Variants in TRPM3 observed in about 807,000 individuals in gnomAD.
The protein encoded by TRPM3 is long transient receptor potential channel 3.
TRPM3 carries 77 observed loss-of-function variants against 181.2 expected under a neutral mutation model. That is an observed-to-expected ratio of 0.42 (90% CI 0.35 to 0.51). The LOEUF (loss-of-function observed/expected upper bound fraction) is 0.51, where lower values mean the gene tolerates loss of function less well. Ranked by LOEUF, TRPM3 falls within the 20% of genes least tolerant of loss-of-function variation. TRPM3 has a pLI of 0.01. For missense variants in TRPM3, 1,759 were observed against 2,196.7 expected, an observed-to-expected ratio of 0.80 and a Z score of 3.98; for synonymous variants, 745 against 796.4, an observed-to-expected ratio of 0.94 and a Z score of 1.09.
chr9:70,881,742 T>A (rs1159210038), intron 1 of TRPM3, among the ~76,000 whole-genome samples: 1 of 152,222 alleles, frequency 6.6e-6, no homozygotes, highest in African/African-American at 2.4e-5. Context: ...CATTTCTGCA[T>A]TTCTGCATTT....
At chr9:71,156,434 G>A (rs940080962) in intron 1 of TRPM3, among the ~76,000 whole-genome samples, 4 of 142,200 alleles carry the variant, frequency 2.8e-5, no homozygotes, top group Admixed American at 2.2e-4. Flanking sequence ...GCTTATCACC[G>A]TACCTGGTAA....
At chr9:71,125,308 T>C (rs994464017), upstream of TRPM3, among the ~76,000 whole-genome samples, 1 of 152,188 alleles carries the variant, frequency 6.6e-6, no homozygotes, top group Non-Finnish European at 1.5e-5. Context: ...GCCCATCACC[T>C]AGGTATTAAG....
At chr9:70,767,763 G>C (rs1338959698) in intron 7 of TRPM3, among the ~76,000 whole-genome samples, 1 of 152,122 alleles carries the variant, frequency 6.6e-6, no homozygotes, top group African/African-American at 2.4e-5. Context: ...CTGAGGGTTG[G>C]CTTGCATTGC....
At chr9:70,782,636 T>C (rs747332071) in intron 7 of TRPM3, among the ~76,000 whole-genome samples, 1 of 152,136 alleles carries the variant, frequency 6.6e-6, no homozygotes, top group Non-Finnish European at 1.5e-5. Context: ...TGGACCAATA[T>C]TTACTATAAA....
intron 8 of TRPM3, among the ~76,000 whole-genome samples, chr9:70,694,457 G>A (rs1587401111): frequency 6.6e-6 from 1 of 152,096 alleles, no homozygotes; most frequent in Non-Finnish European, 1.5e-5. Flanking sequence ...AGGAAGAGAC[G>A]TTGGTTTTCA....
At chr9:71,211,451 A>C (rs893849727) in intron 1 of TRPM3, among the ~76,000 whole-genome samples, 1 of 151,698 alleles carries the variant, frequency 6.6e-6, no homozygotes, top group Non-Finnish European at 1.5e-5. Context: ...TCAGTGTCCC[A>C]TATATTCGTT....
intron 7 of TRPM3, among the ~76,000 whole-genome samples, chr9:70,777,549 A>G (rs1296104373): frequency 6.6e-6 from 1 of 152,174 alleles, no homozygotes; most frequent in African/African-American, 2.4e-5. Context: ...CTTGGATACA[A>G]TAACACAGGT....
intron 24 of TRPM3, among the ~76,000 whole-genome samples, chr9:70,552,208 T>C (rs969504576): frequency 6.6e-6 from 1 of 152,172 alleles, no homozygotes; most frequent in Non-Finnish European, 1.5e-5. Flanking sequence ...GAGTCACCAG[T>C]ATTTAATGTG....
intron 6 of TRPM3, among the ~76,000 whole-genome samples, chr9:70,789,088 A>G (rs1156654275): frequency 6.6e-6 from 1 of 151,834 alleles, no homozygotes; most frequent in African/African-American, 2.4e-5. Flanking sequence ...TTCTGTTCAC[A>G]CTTTTTTTCT....
chr9:71,399,662 G>A (rs1000280751), intron 1 of TRPM3, among the ~76,000 whole-genome samples: 10 of 151,020 alleles, frequency 6.6e-5, no homozygotes, highest in Admixed American at 2.0e-4. Context: ...CCAAGTAGCT[G>A]GGACTACAGG....
At chr9:70,595,062 T>C (rs1454318284) in intron 21 of TRPM3, among the ~76,000 whole-genome samples, 1 of 152,146 alleles carries the variant, frequency 6.6e-6, no homozygotes, top group Non-Finnish European at 1.5e-5. Context: ...GTAGAGAAAA[T>C]GCAGTACATT....
Position 71,015,748 on chromosome 9 carries a change from G to A in TRPM3, c.177+105430C>T, listed in dbSNP as rs1036048687. Among the ~76,000 whole-genome samples the A allele has an allele frequency of 4.6e-5, 7 of 152,034 alleles. No individual in the cohort carries two copies. In the East Asian group the frequency reaches 1.3e-3, roughly 29 times the overall value. ...TAGGGTAAATGAAAATAAACTCAAC[G>A]AACCAGAGTTCTTTAATAATTTTAT... On this transcript the variant is annotated intron_variant, in intron 1 of 25. Transcript: ENST00000677713.
intron 1 of TRPM3, among the ~76,000 whole-genome samples, chr9:71,315,968 G>T (rs1051188950): frequency 5.3e-5 from 8 of 152,070 alleles, no homozygotes; most frequent in African/African-American, 1.9e-4. Flanking sequence ...TATACTCTAG[G>T]CAAGAAACTC....
chr9:71,077,861 A>G (rs986817369), intron 1 of TRPM3, among the ~76,000 whole-genome samples: 2 of 151,332 alleles, frequency 1.3e-5, no homozygotes, highest in South Asian at 2.1e-4. Flanking sequence ...TATACTTTCA[A>G]TATGTTATAA....
intron 1 of TRPM3, among the ~76,000 whole-genome samples, chr9:71,151,203 C>T (rs10746859): frequency 0.99 from 150,148 of 152,278 alleles, 74,049 homozygotes; most frequent in East Asian, 1. Context: ...GTCACTAAAA[C>T]GCCCTAAGAT....
intron 3 of TRPM3, among the ~76,000 whole-genome samples, chr9:70,851,398 T>A (rs974514220): frequency 3.3e-5 from 5 of 152,192 alleles, no homozygotes; most frequent in Admixed American, 6.5e-5. Flanking sequence ...CTAAGTGACA[T>A]ATTATGGAGT....
intron 1 of TRPM3, among the ~76,000 whole-genome samples, chr9:71,148,070 T>A (rs2075524136): frequency 6.6e-6 from 1 of 151,220 alleles, no homozygotes; most frequent in African/African-American, 2.4e-5. Flanking sequence ...GATTCTCAAG[T>A]GGGGATGACA....
intron 1 of TRPM3, among the ~76,000 whole-genome samples, chr9:71,065,630 T>C (rs1054022225): frequency 2.6e-5 from 4 of 152,148 alleles, no homozygotes; most frequent in Non-Finnish European, 5.9e-5. Context: ...CAGCAAAACA[T>C]AACTTACCTA....
In TRPM3 at chr9:71,184,679, G is replaced by A. The variant is rs2077577521; in HGVS notation, c.183+261974C>T. 2.6e-5 allele frequency among the ~76,000 whole-genome samples: 4 copies of A among 152,208 alleles called. No individual in the cohort carries two copies. The South Asian group carries it at 8.3e-4, about 32-fold the overall frequency. On this transcript the variant is annotated intron_variant, in intron 1 of 24. Coordinates refer to the TRPM3 transcript ENST00000357533. ...TACGAAGGAGGCAAAACATTCTCAT[G>A]AGCAGTCTCCATTTTTGCTTTTTCT...
Sources: gnomAD v4.1 joint callset for allele counts (sites outside exome capture counted in the v4.1 genomes callset) on GRCh38, gnomAD v4.1.1 for gene constraint, MANE v1.5 for transcripts, NCBI Gene and HGNC (gene_info 2026-07-23, HGNC 2026-07-21) for gene names.